Variants in GABRB1 observed in about 807,000 individuals in gnomAD.
GABRB1 encodes gamma-aminobutyric acid receptor subunit beta-1.
Under a neutral mutation model 51.6 loss-of-function variants are expected in GABRB1, and 17 were observed. That is an observed-to-expected ratio of 0.33 (90% CI 0.23 to 0.49). The LOEUF (loss-of-function observed/expected upper bound fraction) is 0.49, where lower values mean the gene tolerates loss of function less well. Ranked by LOEUF, GABRB1 falls within the 20% of genes least tolerant of loss-of-function variation. GABRB1 has a pLI of 0.99. For synonymous variants in GABRB1, 247 were observed against 218.9 expected (o/e 1.13, Z -1.14); for missense variants, 410 against 600.6 (o/e 0.68, Z 3.32).
At chr4:47,120,767 A>G (rs1715741224) in intron 3 of GABRB1, among the ~76,000 whole-genome samples, 1 of 152,190 alleles carries the variant, frequency 6.6e-6, no homozygotes, top group African/African-American at 2.4e-5. Flanking sequence ...TAGAGATGTC[A>G]TCCAGGAGCT....
Position 47,001,383 on chromosome 4 carries a change from T to C in GABRB1, c.-20+7457T>C, listed in dbSNP as rs192630340. ...GGTCTGAATCTCCTGACCTCGTGAT[T>C]CTCCCGCCTTGGCCTCCCAAAGTGC... On this transcript the variant is annotated intron_variant, in intron 1 of 3. Transcript: ENST00000513567. 4.4e-3 allele frequency among the ~76,000 whole-genome samples: 658 copies of C among 149,728 alleles called. 3 individuals are homozygous for C. The highest frequency in any genetic ancestry group is 0.014 in the African/African-American group (541 of 39,236).
At chr4:46,998,560 C>T (rs1724076711) in intron 1 of GABRB1, among the ~76,000 whole-genome samples, 2 of 151,724 alleles carry the variant, frequency 1.3e-5, no homozygotes, top group African/African-American at 4.8e-5. Context: ...GCCGAAACCC[C>T]GTCTCTACTA....
intron 4 of GABRB1, among the ~76,000 whole-genome samples, chr4:47,300,126 A>G (rs1003753853): frequency 4.6e-5 from 7 of 150,852 alleles, no homozygotes; most frequent in African/African-American, 1.7e-4. Flanking sequence ...GCATTAGGAG[A>G]TATACCTAAG....
At chr4:47,418,374 C>T (rs1161228619) in intron 8 of GABRB1, among the ~76,000 whole-genome samples, 1 of 152,178 alleles carries the variant, frequency 6.6e-6, no homozygotes, top group African/African-American at 2.4e-5. Context: ...ACTTGGCCAA[C>T]GTTTCTACAG....
chr4:46,995,002 T>G (rs1044883084), intron 1 of GABRB1, among the ~76,000 whole-genome samples: 5 of 152,210 alleles, frequency 3.3e-5, no homozygotes, highest in African/African-American at 1.2e-4. Flanking sequence ...GTGCTCTGTA[T>G]TCTGTACTGC....
intron 3 of GABRB1, among the ~76,000 whole-genome samples, chr4:47,145,900 T>C (rs1717147737): frequency 1.3e-5 from 2 of 152,116 alleles, no homozygotes; most frequent in South Asian, 4.1e-4. Context: ...TACACATTGC[T>C]CCATGCAGAT....
intron 4 of GABRB1, among the ~76,000 whole-genome samples, chr4:47,311,403 C>A (rs1465118406): frequency 1.1e-4 from 15 of 133,762 alleles, no homozygotes; most frequent in African/African-American, 4.3e-4. Context: ...CGGAGCGAGA[C>A]TCTGTCTCAA....
At chr4:47,175,576 T>A (rs1001953786) in intron 4 of GABRB1, among the ~76,000 whole-genome samples, 1 of 152,192 alleles carries the variant, frequency 6.6e-6, no homozygotes, top group Non-Finnish European at 1.5e-5. Context: ...TATATGAAAC[T>A]GGAACCTTAT....
Position 47,008,852 on chromosome 4 carries a change from CCTTTTTT to C in GABRB1, c.-20+14927_-20+14933del, listed in dbSNP as rs1207196649. ...CACCCTGTCACGCTATCAGATACTACCTTTTTTTTTTTTTTTTTTTTTTTTTTTTTGA... is the reference window on the plus strand; with the variant it reads ...CACCCTGTCACGCTATCAGATACTACTTTTTTTTTTTTTTTTTTTTTTTGA... On this transcript the variant is annotated intron_variant, in intron 1 of 3. Coordinates refer to the GABRB1 transcript ENST00000513567. 1.7e-3 allele frequency among the ~76,000 whole-genome samples: 96 copies of C among 56,482 alleles called. 22 individuals are homozygous for C. Among genetic ancestry groups the C allele is most frequent in the African/African-American group, 4.7e-3 (61 of 12,884 alleles). The allele number at this position is 56,482 out of a possible 152,430, so 37.1% of individuals were successfully genotyped here. A position where few individuals can be genotyped will look rare whatever the true frequency, so the allele number is the denominator to read the frequency against.
intron 3 of GABRB1, among the ~76,000 whole-genome samples, chr4:47,044,756 A>G (rs1726011815): frequency 6.6e-6 from 1 of 152,010 alleles, no homozygotes; most frequent in South Asian, 2.1e-4. Flanking sequence ...TAAATATAAT[A>G]TTTTTGCTTG....
chr4:47,203,205 G>A (rs1719959073), intron 4 of GABRB1, among the ~76,000 whole-genome samples: 1 of 152,112 alleles, frequency 6.6e-6, no homozygotes, highest in South Asian at 2.1e-4. Context: ...TACATAGGGA[G>A]AAATTATTTC....
intron 1 of GABRB1, among the ~76,000 whole-genome samples, chr4:46,995,168 A>G (rs1234948673): frequency 1.3e-5 from 2 of 152,186 alleles, no homozygotes; most frequent in Admixed American, 6.5e-5. Context: ...AATGTCAATA[A>G]ATATTTATTG....
chr4:47,289,068 G>A (rs1028546739), intron 4 of GABRB1, among the ~76,000 whole-genome samples: 9 of 150,664 alleles, frequency 6.0e-5, no homozygotes, highest in African/African-American at 2.0e-4. Context: ...TTTGTTTTTT[G>A]CTTCTGAGCC....
intron 3 of GABRB1, among the ~76,000 whole-genome samples, chr4:47,068,853 A>T (rs1577877949): frequency 6.6e-6 from 1 of 152,344 alleles, no homozygotes. Flanking sequence ...TGCTCGATGC[A>T]GGCTTGCTAC....
chr4:47,032,625 C>A, intron 3 of GABRB1, 141 bp downstream of exon 3: 1 of 785,638 alleles, frequency 1.3e-6, no homozygotes, highest in Non-Finnish European at 2.3e-6. Flanking sequence ...CCCGCTCCGG[C>A]ACACACACCC....
intron 5 of GABRB1, among the ~76,000 whole-genome samples, chr4:47,339,545 G>A (rs1237304247): frequency 7.3e-6 from 1 of 137,116 alleles, no homozygotes; most frequent in African/African-American, 3.3e-5. Context: ...GTGCATATGT[G>A]TGTGTGTGTG....
At chr4:47,151,161 A>G (rs1342063508) in intron 3 of GABRB1, among the ~76,000 whole-genome samples, 1 of 152,014 alleles carries the variant, frequency 6.6e-6, no homozygotes, top group Non-Finnish European at 1.5e-5. Flanking sequence ...TGGGCCCAAT[A>G]GAGTCCTTAC....
chr4:47,119,186 G>T (rs1392506154), intron 3 of GABRB1, among the ~76,000 whole-genome samples: 1 of 152,052 alleles, frequency 6.6e-6, no homozygotes, highest in Non-Finnish European at 1.5e-5. Flanking sequence ...ATCAGAAGGG[G>T]AAGATTGACT....
At chr4:47,328,250 C>T (rs1318512674) in intron 5 of GABRB1, among the ~76,000 whole-genome samples, 1 of 152,002 alleles carries the variant, frequency 6.6e-6, no homozygotes, top group African/African-American at 2.4e-5. Flanking sequence ...AATTTTCTCC[C>T]ATTCTGTAGG....
Sources: gnomAD v4.1 joint callset for allele counts (sites outside exome capture counted in the v4.1 genomes callset) on GRCh38, gnomAD v4.1.1 for gene constraint, MANE v1.5 for transcripts, NCBI Gene and HGNC (gene_info 2026-07-23, HGNC 2026-07-21) for gene names.